Variants in PFKFB3 observed in about 807,000 individuals in gnomAD.
PFKFB3 encodes 6-phosphofructo-2-kinase/fructose-2,6-bisphosphatase 3.
PFKFB3 carries 33 observed loss-of-function variants against 68.0 expected under a neutral mutation model. The observed-to-expected ratio is 0.49, with a 90% confidence interval of 0.37 to 0.65. PFKFB3 has a LOEUF of 0.65. PFKFB3 is among the 30% of genes least tolerant of loss of function. PFKFB3 has a pLI of 0.00. For synonymous variants in PFKFB3, 315 were observed against 288.2 expected, an observed-to-expected ratio of 1.09 and a Z score of -0.94; for missense variants, 586 against 712.2, an observed-to-expected ratio of 0.82 and a Z score of 2.02.
Position 6,183,751 on chromosome 10 carries a change from G to GCA in PFKFB3, c.17-29872_17-29871insCA, listed in dbSNP as rs1564604267. The stretch of plus-strand genomic sequence containing the variant: ...CACCCAGGCTGGAGTGCAGTGGCGT[G>GCA]ATCTCGGCTCACTGCAAGCTCTGCC... On this transcript the variant is annotated intron_variant, in intron 1 of 14. Transcript: ENST00000379789. 2.0e-5 allele frequency among the ~76,000 whole-genome samples: 3 copies of GCA among 147,506 alleles called. No homozygotes were observed. The East Asian group carries it at 6.0e-4, about 30-fold the overall frequency.
At chr10:6,259,275 A>ACCAT (rs1375517703), downstream of PFKFB3, among the ~76,000 whole-genome samples, 1 of 133,410 alleles carries the variant, frequency 7.5e-6, no homozygotes, top group Non-Finnish European at 1.6e-5. Flanking sequence ...CATCCACCCA[A>ACCAT]CCATCCATCC....
At chr10:6,294,149 G>T in the PFKFB3 span, 1 of 505,458 alleles carries the variant, frequency 2.0e-6, no homozygotes, top group South Asian at 1.5e-5. Flanking sequence ...TTAAACTCAG[G>T]CCTATGTGTT....
chr10:6,230,850 G>C (rs148657836), intron 14 of PFKFB3, among the ~76,000 whole-genome samples: 2,165 of 152,174 alleles, frequency 0.014, 125 homozygotes, highest in Admixed American at 0.089. Context: ...CGAGTAGCTG[G>C]GATTACAGGC....
At chr10:6,152,600 G>A (rs1400403063) in intron 1 of PFKFB3, among the ~76,000 whole-genome samples, 2 of 152,222 alleles carry the variant, frequency 1.3e-5, no homozygotes, top group Non-Finnish European at 2.9e-5. Flanking sequence ...ATGTATGCCA[G>A]GTGCAGTGGC....
intron 1 of PFKFB3, among the ~76,000 whole-genome samples, chr10:6,180,407 G>C (rs1349176238): frequency 6.6e-6 from 1 of 152,172 alleles, no homozygotes; most frequent in East Asian, 1.9e-4. Flanking sequence ...TAGCAGAATA[G>C]CCATTGTTAA....
chr10:6,155,968 A>G (rs990897915), intron 1 of PFKFB3, among the ~76,000 whole-genome samples: 1 of 152,140 alleles, frequency 6.6e-6, no homozygotes, highest in Non-Finnish European at 1.5e-5. Flanking sequence ...CTACATGCAC[A>G]TAGCGAACAT....
the PFKFB3 span, among the ~76,000 whole-genome samples, chr10:6,316,169 C>A: frequency 6.6e-6 from 1 of 152,180 alleles, no homozygotes; most frequent in East Asian, 1.9e-4. Context: ...GACGTAGACA[C>A]CCACCTTGGA....
rs1181236206 is a variant in PFKFB3, at chr10:6,154,802, C to G, written c.16+9789C>G. ...GGTAGCTCCCCCAGCTGCCTTCTGT[C>G]TGATCTGGGGAGACGCTGGGAGCCA... On this transcript the variant is annotated intron_variant, in intron 1 of 14. Coordinates refer to the PFKFB3 transcript ENST00000379789. The surrounding 1 kb of genome is among the most constrained non-coding windows in gnomAD (Gnocchi z 4.6). 6.6e-6 allele frequency among the ~76,000 whole-genome samples: 1 copy of G among 152,192 alleles called. No individual in the cohort carries two copies. Among genetic ancestry groups the G allele is most frequent in the Non-Finnish European group, 1.5e-5 (1 of 68,032 alleles).
chr10:6,244,161 G>A (rs1206504364), intron 14 of PFKFB3, among the ~76,000 whole-genome samples: 1 of 152,202 alleles, frequency 6.6e-6, no homozygotes, highest in Non-Finnish European at 1.5e-5. Context: ...TGAAGCTGGT[G>A]TCAGCGATTT....
downstream of PFKFB3, among the ~76,000 whole-genome samples, chr10:6,256,091 C>T (rs1406670563): frequency 4.1e-4 from 63 of 152,334 alleles, no homozygotes; most frequent in South Asian, 2.1e-4. Context: ...GTCATTCCGC[C>T]CCCGGCCCCA....
the PFKFB3 span, among the ~76,000 whole-genome samples, chr10:6,280,029 G>A: frequency 5.3e-5 from 8 of 152,122 alleles, no homozygotes; most frequent in East Asian, 1.9e-4. Flanking sequence ...GGCTTTCCAC[G>A]CTGTCCGTGT....
intron 1 of PFKFB3, chr10:6,152,180 C>CTTTTGA (rs1841613447): frequency 6.5e-6 from 1 of 154,544 alleles, no homozygotes; most frequent in Non-Finnish European, 1.5e-5. Flanking sequence ...GTGACCCACA[C>CTTTTGA]TTTTGAGATG....
the PFKFB3 span, among the ~76,000 whole-genome samples, chr10:6,292,169 G>A: frequency 6.7e-6 from 1 of 149,662 alleles, no homozygotes; most frequent in Non-Finnish European, 1.5e-5. Flanking sequence ...GGCCAGGCTG[G>A]TCTCGAACTC....
At chr10:6,288,530 G>A in the PFKFB3 span, among the ~76,000 whole-genome samples, 1,105 of 151,718 alleles carry the variant, frequency 7.3e-3, 14 homozygotes, top group Middle Eastern at 0.024. Context: ...AAAGGACATG[G>A]ACTCATCCTT....
chr10:6,187,800 A>T (rs1251728342), intron 1 of PFKFB3, among the ~76,000 whole-genome samples: 1 of 152,192 alleles, frequency 6.6e-6, no homozygotes, highest in East Asian at 1.9e-4. Context: ...CTTCTCATGA[A>T]CTTTAACATT....
rs982689554 is a variant in PFKFB3 at position 6,229,563 on chromosome 10, AGGTG to A, written c.1515+3201_1515+3204del. Among the ~76,000 whole-genome samples, 4 of 151,912 alleles carry A rather than the reference AGGTG, an allele frequency of 2.6e-5. No homozygotes were observed. The highest frequency in any genetic ancestry group is 9.7e-5 in the African/African-American group (4 of 41,286). On this transcript the variant is annotated intron_variant, in intron 14 of 14. Coordinates refer to ENST00000379775, the MANE Select transcript of PFKFB3 (RefSeq NM_004566.4). The surrounding 1 kb of genome is among the most constrained non-coding windows in gnomAD (Gnocchi z 4.3). Reference sequence around the variant, plus strand: ...CCCACAGCCAGGCTTTGCTTACCTAAGGTGGGCCTGCCCTTAACTTCCAGCTTCT... The same window carrying A: ...CCCACAGCCAGGCTTTGCTTACCTAAGGCCTGCCCTTAACTTCCAGCTTCT...
chr10:6,159,865 C>T (rs975435662), intron 1 of PFKFB3, among the ~76,000 whole-genome samples: 1 of 151,672 alleles, frequency 6.6e-6, no homozygotes, highest in Non-Finnish European at 1.5e-5. Flanking sequence ...CTCAAGCAAT[C>T]CCCCCACCTC....
chr10:6,229,191 G>C lies in PFKFB3; in HGVS notation c.1515+2826G>C, dbSNP rs777384236. The C allele has an allele frequency of 1.7e-5, 8 of 479,404 alleles. No homozygotes were observed. In the Admixed American group the frequency reaches 1.7e-4, roughly 10 times the overall value. The allele number at this position is 479,404 out of a possible 1,614,324, so 29.7% of individuals were successfully genotyped here. A position where few individuals can be genotyped will look rare whatever the true frequency, so the allele number is the denominator to read the frequency against. On this transcript the variant is annotated intron_variant, in intron 14 of 14. Coordinates refer to ENST00000379775, the MANE Select transcript of PFKFB3 (RefSeq NM_004566.4). This position sits in a 1 kb window ranked among gnomAD's most constrained non-coding sequence, Gnocchi z 4.3. ...TTGGAAATGGGAGAGGTTTGGCATG[G>C]CGCTCAGATTTTGGTGGCAAAGGGG...
chr10:6,224,053 CT>C lies in PFKFB3; in HGVS notation c.1276+34del, dbSNP rs748784696. On this transcript the variant is annotated intron_variant, in intron 12 of 14. Transcript: ENST00000379775. Reference sequence around the variant, plus strand: ...GCAACCCCTGCCAAGCCCTGTCCCCCTGAAGGTGGCCACAGTAGCTTCTTGT... The same window carrying C: ...GCAACCCCTGCCAAGCCCTGTCCCCCGAAGGTGGCCACAGTAGCTTCTTGT... 6.4e-5 allele frequency: 103 copies of C among 1,613,494 alleles called. 1 individual carries two copies. In the African/African-American group the frequency reaches 1.2e-3, roughly 19 times the overall value.
Sources: allele counts gnomAD v4.1 joint callset (sites outside exome capture counted in the v4.1 genomes callset), GRCh38; gene constraint gnomAD v4.1.1; non-coding constraint Gnocchi (gnomAD v3.1); transcripts MANE v1.5; gene names NCBI Gene and HGNC (gene_info 2026-07-23, HGNC 2026-07-21).